The following OSBP2 variants were observed in gnomAD, a reference collection of about 807,000 sequenced individuals.
OSBP2 encodes oxysterol binding protein 2, also known as oxysterol-binding protein 2.
In OSBP2, 66 loss-of-function variants were observed where a neutral mutation model predicts 96.0. That is an observed-to-expected ratio of 0.69 (90% CI 0.56 to 0.84). OSBP2 has a LOEUF of 0.84. Among genes scored for constraint, OSBP2 ranks in the 40% least tolerant of loss-of-function variants. OSBP2 has a pLI of 0.00. For synonymous variants in OSBP2, 525 were observed against 520.9 expected, an observed-to-expected ratio of 1.01 and a Z score of -0.11; for missense variants, 1,038 against 1,222.7, an observed-to-expected ratio of 0.85 and a Z score of 2.25.
chr22:30,694,132 A>G, upstream of OSBP2: 1 of 1,549,776 alleles, frequency 6.5e-7, no homozygotes, highest in Non-Finnish European at 8.7e-7. Flanking sequence ...GGGAGGTCCA[A>G]GTTCAGAATC....
intron 2 of OSBP2, among the ~76,000 whole-genome samples, chr22:30,820,496 C>T (rs1056089426): frequency 2.0e-5 from 3 of 152,120 alleles, no homozygotes; most frequent in East Asian, 1.9e-4. Flanking sequence ...GAGCCCAGGG[C>T]GCAGTAATCT....
intron 2 of OSBP2, among the ~76,000 whole-genome samples, chr22:30,806,912 T>G (rs2090936968): frequency 6.6e-6 from 1 of 152,328 alleles, no homozygotes. Context: ...GTTGAGTTTT[T>G]GCTTCCCTTG....
At chr22:30,810,920 G>A (rs924457142) in intron 2 of OSBP2, among the ~76,000 whole-genome samples, 2 of 152,076 alleles carry the variant, frequency 1.3e-5, no homozygotes, top group Non-Finnish European at 2.9e-5. Context: ...AGGTTTCAGC[G>A]TGAGCCGGAG....
At chr22:30,875,551 C>T (rs1431167751) in intron 3 of OSBP2, among the ~76,000 whole-genome samples, 1 of 152,078 alleles carries the variant, frequency 6.6e-6, no homozygotes, top group African/African-American at 2.4e-5. Context: ...TTTGTATTTT[C>T]AATAGAGAAG....
intron 3 of OSBP2, among the ~76,000 whole-genome samples, chr22:30,885,873 C>T (rs1472758251): frequency 2.0e-5 from 3 of 152,214 alleles, no homozygotes; most frequent in African/African-American, 4.8e-5. Flanking sequence ...GCATCCTGAC[C>T]GTGGGAGGCC....
Position 30,836,358 on chromosome 22 carries a change from T to C in OSBP2, c.854-34071T>C, listed in dbSNP as rs184481642. Among the ~76,000 whole-genome samples the C allele has an allele frequency of 5.3e-5, 8 of 152,312 alleles. No homozygotes were observed. In the East Asian group the frequency reaches 1.5e-3, roughly 29 times the overall value. The stretch of plus-strand genomic sequence containing the variant: ...ATGCTAATGACTGGCAGAGCCAGGC[T>C]TGTTTGAACTTGGGCAGGCCGACTT... On this transcript the variant is annotated intron_variant, in intron 2 of 13. Transcript: ENST00000332585.
intron 1 of OSBP2, among the ~76,000 whole-genome samples, chr22:30,698,374 A>G (rs2089089867): frequency 6.6e-6 from 1 of 151,962 alleles, no homozygotes; most frequent in South Asian, 2.1e-4. Flanking sequence ...CGAAGAAGGA[A>G]TCAGGGCCAT....
chr22:30,700,376 T>TA (rs1316763801), intron 1 of OSBP2, among the ~76,000 whole-genome samples: 1 of 152,154 alleles, frequency 6.6e-6, no homozygotes, highest in East Asian at 1.9e-4. Flanking sequence ...GCTTTTTTTT[T>TA]AATTGCGGGA....
intron 3 of OSBP2, among the ~76,000 whole-genome samples, chr22:30,873,889 T>C (rs958912159): frequency 6.6e-6 from 1 of 152,152 alleles, no homozygotes; most frequent in Non-Finnish European, 1.5e-5. Context: ...GGCTGCTCCA[T>C]CTTCACTTTT....
At chr22:30,812,226 C>T (rs1014674608) in intron 2 of OSBP2, among the ~76,000 whole-genome samples, 4 of 152,068 alleles carry the variant, frequency 2.6e-5, no homozygotes, top group African/African-American at 7.2e-5. Flanking sequence ...GGTGCAGTAG[C>T]GCAATCTCAG....
At chr22:30,866,306 A>G (rs371721177) in intron 2 of OSBP2, among the ~76,000 whole-genome samples, 123 of 152,194 alleles carry the variant, frequency 8.1e-4, no homozygotes, top group Non-Finnish European at 1.5e-3. Context: ...GGAAGGGGCT[A>G]TGAGTGAAGG....
intron 1 of OSBP2, among the ~76,000 whole-genome samples, chr22:30,725,197 C>CAA (rs113509824): frequency 0.25 from 35,070 of 138,002 alleles, 4,621 homozygotes; most frequent in East Asian, 0.42. Flanking sequence ...AACAAAAAAA[C>CAA]AAAAAAAAAA....
intron 2 of OSBP2, among the ~76,000 whole-genome samples, chr22:30,812,923 T>A (rs1036218808): frequency 6.7e-6 from 1 of 150,072 alleles, no homozygotes; most frequent in African/African-American, 2.4e-5. Context: ...ATATTTATAT[T>A]TGTTGCCATT....
chr22:30,695,082 C>T lies in OSBP2; in HGVS notation c.173C>T (p.Pro58Leu), dbSNP rs1453055693. The change falls in exon 1 of 14, where the codon CCC becomes CTC. Residue 58 changes from proline to leucine, a missense_variant. Physicochemically the swap from Pro to Leu is moderately conservative, Grantham distance 98 (BLOSUM62 -3). Around this residue, in one of 3 missense-constraint regions of OSBP2, gnomAD observed 281 missense variants for 273.4 expected, o/e 1.03. Transcript: ENST00000332585. ...PEPKPQPQPV[P>L]EPERGPLSEQ... ...CCCAAGCCCCAGCCCCAGCCCGTGC[C>T]CGAACCGGAGCGGGGACCGCTGTCA... is the stretch of plus-strand genomic sequence containing the variant. 4.4e-6 allele frequency: 7 copies of T among 1,580,324 alleles called. No homozygotes were observed. Among genetic ancestry groups the T allele is most frequent in the Non-Finnish European group, 5.2e-6 (6 of 1,163,240 alleles).
rs190931233 is a variant in OSBP2, at chr22:30,811,850, C to T, written c.854-58579C>T. On this transcript the variant is annotated intron_variant, in intron 2 of 13. Transcript: ENST00000332585. Reference sequence around the variant, plus strand: ...GATTACAGACATAAGCCACCGCGCCCGGCCTATTTTTTTTTTTATTTTTAA... The same window carrying T: ...GATTACAGACATAAGCCACCGCGCCTGGCCTATTTTTTTTTTTATTTTTAA... Among the ~76,000 whole-genome samples, 298 of 151,298 alleles carry T rather than the reference C, an allele frequency of 2.0e-3. 1 individual carries two copies. The highest frequency in any genetic ancestry group is 2.8e-3 in the Non-Finnish European group (189 of 67,802).
At chr22:30,843,676 C>G (rs1280992186) in intron 2 of OSBP2, among the ~76,000 whole-genome samples, 3 of 151,982 alleles carry the variant, frequency 2.0e-5, no homozygotes, top group African/African-American at 7.2e-5. Flanking sequence ...CCAGCCTGGG[C>G]AACATAGTGA....
intron 2 of OSBP2, among the ~76,000 whole-genome samples, chr22:30,747,323 A>G (rs2090015938): frequency 4.6e-5 from 7 of 152,094 alleles, no homozygotes; most frequent in Admixed American, 4.6e-4. Flanking sequence ...ACTAAATATC[A>G]CTTTAAAATG....
intron 3 of OSBP2, among the ~76,000 whole-genome samples, chr22:30,878,238 T>G (rs149974241): frequency 6.6e-6 from 1 of 152,366 alleles, no homozygotes; most frequent in East Asian, 1.9e-4. Flanking sequence ...CAAGGCCAAA[T>G]AAAATGATCC....
At chr22:30,892,661 G>A (rs2039974217) in intron 8 of OSBP2, among the ~76,000 whole-genome samples, 2 of 152,148 alleles carry the variant, frequency 1.3e-5, no homozygotes, top group African/African-American at 2.4e-5. Flanking sequence ...CTGGAGCCAG[G>A]CTGGCCAGAG....
Sources: allele counts gnomAD v4.1 joint callset (sites outside exome capture counted in the v4.1 genomes callset), GRCh38; gene constraint gnomAD v4.1.1; regional missense constraint gnomAD v4.1.1; transcripts MANE v1.5; gene names NCBI Gene and HGNC (gene_info 2026-07-23, HGNC 2026-07-21).